The following ZC3H7B variants were observed in gnomAD, a reference collection of about 807,000 sequenced individuals.
ZC3H7B encodes the protein zinc finger CCCH domain-containing protein 7B.
Under a neutral mutation model 116.0 loss-of-function variants are expected in ZC3H7B, and 35 were observed. The observed-to-expected ratio is 0.30, with a 90% CI of 0.23 to 0.40. The LOEUF (loss-of-function observed/expected upper bound fraction) is 0.40, where lower values mean the gene tolerates loss of function less well. Among genes scored for constraint, ZC3H7B ranks in the 10% least tolerant of loss-of-function variants. The probability of loss-of-function intolerance (pLI) is 1.00; values close to 1 mark genes in which losing one functional copy is unlikely to be tolerated. For synonymous variants in ZC3H7B, 502 were observed against 545.6 expected, an observed-to-expected ratio of 0.92 and a Z score of 1.11; for missense variants, 1,011 against 1,321.5, an observed-to-expected ratio of 0.77 and a Z score of 3.64.
chr22:41,341,094 C>T lies in ZC3H7B; in HGVS notation c.1145C>T (p.Thr382Ile). 1 of 1,613,856 alleles carries T rather than the reference C, an allele frequency of 6.2e-7. No individual in the cohort carries two copies. Among genetic ancestry groups the T allele is most frequent in the Non-Finnish European group, 8.5e-7 (1 of 1,179,836 alleles). The change falls in exon 11 of 23, where the codon ACC (threonine) becomes ATC (isoleucine). Residue 382 changes from threonine to isoleucine, a missense_variant. Coordinates refer to ENST00000352645, the MANE Select transcript of ZC3H7B (RefSeq NM_017590.6). The part of the protein sequence containing the change: ...LDKPDSFMEE[T>I]NSQDHRPPSG... ...GTGTCTTCTCCCTGCCCAGAGGAGA[C>T]CAACTCACAGGACCACCGTCCCCCT...
In ZC3H7B at chr22:41,346,009, T is replaced by G. The variant is rs1398056114; in HGVS notation, c.1466T>G (p.Ile489Ser). 6.2e-7 allele frequency: 1 copy of G among 1,614,060 alleles called. No homozygotes were observed. The highest frequency in any genetic ancestry group is 2.2e-5 in the East Asian group (1 of 44,880). The change falls in exon 14 of 23, where the codon ATT becomes AGT. Residue 489 changes from isoleucine (I) to serine (S), a missense_variant. This residue lies in a region of ZC3H7B where 179 missense variants were observed against 178.5 expected (regional missense o/e 1.00). Transcript: ENST00000352645. This position sits in a 1 kb window ranked among gnomAD's most constrained non-coding sequence, Gnocchi z 5.3. ...TCCTGTTGCCTCTTTGCAGACATGA[T>G]TAACAAGCAGGACTGTAAGTACGGG... ...VGSYYLCKDM[I>S]NKQDCKYGDN... is the part of the protein sequence containing the mutation.
chr22:41,347,152 C>T (rs554682173), intron 14 of ZC3H7B, among the ~76,000 whole-genome samples: 23 of 152,274 alleles, frequency 1.5e-4, no homozygotes, highest in African/African-American at 5.3e-4. Flanking sequence ...TGCCCACCTC[C>T]CAGCACCAGC....
In ZC3H7B at chr22:41,327,381, A is replaced by C. The variant is rs1353676269; in HGVS notation, c.444+17A>C. 1 of 1,606,252 alleles carries C rather than the reference A, an allele frequency of 6.2e-7. No homozygotes were observed. On this transcript the variant is annotated intron_variant, in intron 5 of 22. Transcript: ENST00000352645. The surrounding 1 kb of genome is among the most constrained non-coding windows in gnomAD (Gnocchi z 4.5). ...CTGCCCCACGTGAGTGTGGCTCTGC[A>C]GCCACGCCGGTGCCTGCTCAGAGGC...
chr22:41,345,937 G>A (rs545119278), intron 13 of ZC3H7B, 66 bp from the exon 14 acceptor site: 3 of 1,540,764 alleles, frequency 1.9e-6, no homozygotes, highest in South Asian at 2.2e-5. Flanking sequence ...CCGCAGCGGG[G>A]TGGCGAGGGT....
At chr22:41,325,644 G>A in intron 3 of ZC3H7B, 47 bp downstream of exon 3, 1 of 1,609,566 alleles carries the variant, frequency 6.2e-7, no homozygotes, top group Non-Finnish European at 8.5e-7. Context: ...GCGGAGATGT[G>A]CAGGGGAGAG....
Position 41,338,465 on chromosome 22 carries a change from T to C in ZC3H7B, c.625+110T>C. 1 of 1,174,366 alleles carries C rather than the reference T, an allele frequency of 8.5e-7. No individual in the cohort carries two copies. Among genetic ancestry groups the C allele is most frequent in the East Asian group, 2.5e-5 (1 of 39,590 alleles). The allele number at this position is 1,174,366 out of a possible 1,614,324, so 72.7% of individuals were successfully genotyped here. A position where few individuals can be genotyped will look rare whatever the true frequency, so the allele number is the denominator to read the frequency against. On this transcript the variant is annotated intron_variant, in intron 8 of 22. Transcript: ENST00000352645. The surrounding 1 kb of genome is among the most constrained non-coding windows in gnomAD (Gnocchi z 4.5). ...GTAGATGGGAGGGCCTCCGAGGGGT[T>C]CCCCACCCTGGTACTCCCTGAGGCA...
In ZC3H7B at chr22:41,302,542, G is replaced by T. The variant is rs2035982158; in HGVS notation, c.-7+770G>T. On this transcript the variant is annotated intron_variant, in intron 1 of 22. Coordinates refer to ENST00000352645, the MANE Select transcript of ZC3H7B (RefSeq NM_017590.6). The surrounding 1 kb of genome is among the most constrained non-coding windows in gnomAD (Gnocchi z 5.7). ...CTGGGGACGGGGGCGCCCTGACGGG[G>T]CTGGGGGCCTGGGAGCCGCCGACTC... 6.6e-6 allele frequency among the ~76,000 whole-genome samples: 1 copy of T among 152,244 alleles called. No homozygotes were observed. The highest frequency in any genetic ancestry group is 6.5e-5 in the Admixed American group (1 of 15,302).
Position 41,359,232 on chromosome 22 carries a change from C to T in ZC3H7B, c.*1803C>T, listed in dbSNP as rs894011321. ...TTCCCTGATCCGTGGTGTTGCAGTC[C>T]GTTGTCACCAGCCTTGTTTCTAGTG... On this transcript the variant is annotated 3_prime_UTR_variant, in exon 23 of 23. Coordinates refer to ENST00000352645, the MANE Select transcript of ZC3H7B (RefSeq NM_017590.6). 6.5e-6 allele frequency: 1 copy of T among 152,750 alleles called. No individual in the cohort carries two copies. Among genetic ancestry groups the T allele is most frequent in the East Asian group, 1.9e-4 (1 of 5,196 alleles). 9.5% of individuals were successfully genotyped at this position (152,750 alleles called of 1,614,324 possible). A position where few individuals can be genotyped will look rare whatever the true frequency, so the allele number is the denominator to read the frequency against.
chr22:41,319,828 A>C (rs2036231798), intron 1 of ZC3H7B, among the ~76,000 whole-genome samples: 1 of 152,076 alleles, frequency 6.6e-6, no homozygotes, highest in African/African-American at 2.4e-5. Flanking sequence ...CAGGAGTTTG[A>C]AACCAGCCTG....
rs1337271103 is a variant in ZC3H7B at position 41,331,260 on chromosome 22, TAAATA to T, written c.526-907_526-903del. On this transcript the variant is annotated intron_variant, in intron 6 of 22. Coordinates refer to ENST00000352645, the MANE Select transcript of ZC3H7B (RefSeq NM_017590.6). ...GAAACTCTGTCTCAAAAAAAATAAA[TAAATA>T]AAAGGCCGGGCGCGGTGGCTCATGC... 2.7e-5 allele frequency among the ~76,000 whole-genome samples: 3 copies of T among 111,246 alleles called. No homozygotes were observed. The East Asian group carries it at 8.8e-4, about 33-fold the overall frequency. The allele number at this position is 111,246 out of a possible 152,430, so 73.0% of individuals were successfully genotyped here. A position where few individuals can be genotyped will look rare whatever the true frequency, so the allele number is the denominator to read the frequency against.
intron 1 of ZC3H7B, among the ~76,000 whole-genome samples, chr22:41,304,991 C>G (rs2036020603): frequency 6.6e-6 from 1 of 152,142 alleles, no homozygotes; most frequent in Non-Finnish European, 1.5e-5. Flanking sequence ...GCGAGCTGAT[C>G]ACTTGAGGTC....
At chr22:41,340,902 G>A in intron 10 of ZC3H7B, among the ~76,000 whole-genome samples, 186 bp from the exon 11 acceptor site, 1 of 152,290 alleles carries the variant, frequency 6.6e-6, no homozygotes, top group East Asian at 1.9e-4. Context: ...ACACACTCAG[G>A]CTGGGAGGCG....
intron 17 of ZC3H7B, among the ~76,000 whole-genome samples, chr22:41,354,396 C>T (rs184455586): frequency 2.6e-5 from 4 of 152,202 alleles, no homozygotes; most frequent in African/African-American, 9.6e-5. Flanking sequence ...GAGCAGCCCA[C>T]GAGTTGTCCA....
chr22:41,308,869 C>T (rs1402174033), intron 1 of ZC3H7B, among the ~76,000 whole-genome samples: 1 of 152,118 alleles, frequency 6.6e-6, no homozygotes, highest in Non-Finnish European at 1.5e-5. Flanking sequence ...AGCTTGTTCC[C>T]ACCTCAGGGC....
intron 1 of ZC3H7B, among the ~76,000 whole-genome samples, chr22:41,304,787 T>C (rs1212460142): frequency 2.0e-5 from 3 of 152,184 alleles, no homozygotes; most frequent in African/African-American, 7.2e-5. Context: ...GGGTGGGCAT[T>C]ATAATCTCCA....
chr22:41,338,923 G>C lies in ZC3H7B; in HGVS notation c.626-78G>C. The stretch of plus-strand genomic sequence containing the variant: ...AAGAAGAAGGGAAAGTGTTGGATGA[G>C]CATCACGGGGCCCGGGACGCCTCCT... On this transcript the variant is annotated intron_variant, in intron 8 of 22. Transcript: ENST00000352645. The surrounding 1 kb of genome is among the most constrained non-coding windows in gnomAD (Gnocchi z 4.5). The C allele has an allele frequency of 7.2e-7, 1 of 1,386,330 alleles. No homozygotes were observed. Among genetic ancestry groups the C allele is most frequent in the East Asian group, 2.5e-5 (1 of 40,766 alleles). 85.9% of individuals were successfully genotyped at this position (1,386,330 alleles called of 1,614,324 possible).
In ZC3H7B at chr22:41,351,451, T is replaced by C; in HGVS notation, c.1949-110T>C. ...TGTCTTACTGTGGCTGGGCTGAGAA[T>C]AGGGCTCCTCCAGCTGGGCCTCGGG... On this transcript the variant is annotated intron_variant, in intron 16 of 22. Transcript: ENST00000352645. This position sits in a 1 kb window ranked among gnomAD's most constrained non-coding sequence, Gnocchi z 5.1. 1 of 898,364 alleles carries C rather than the reference T, an allele frequency of 1.1e-6. No individual in the cohort carries two copies. Among genetic ancestry groups the C allele is most frequent in the Non-Finnish European group, 1.7e-6 (1 of 588,040 alleles). 55.6% of individuals were successfully genotyped at this position (898,364 alleles called of 1,614,324 possible).
chr22:41,307,412 T>TGTGTTGGTGCC (rs1186885157), intron 1 of ZC3H7B, among the ~76,000 whole-genome samples: 2 of 152,154 alleles, frequency 1.3e-5, no homozygotes, highest in Non-Finnish European at 2.9e-5. Flanking sequence ...GCATGTTGGT[T>TGTGTTGGTGCC]GTGTTGGTGC....
In ZC3H7B at chr22:41,356,361, C is replaced by T. The variant is rs778878835; in HGVS notation, c.2402C>T (p.Thr801Ile). Reference sequence around the variant, plus strand: ...TGCCCAGTCCTGGACATGCAGCAGACCTATGACATGTGGCTGAAAAAACAC... The same window carrying T: ...TGCCCAGTCCTGGACATGCAGCAGATCTATGACATGTGGCTGAAAAAACAC... Reference protein sequence around the residue: ...KENKILDMQQTYDMWLKKHNP... With the variant: ...KENKILDMQQIYDMWLKKHNP... The change falls in exon 21 of 23, where the codon ACC becomes ATC. Residue 801 changes from threonine to isoleucine, a missense_variant. Transcript: ENST00000352645. 8 of 1,613,996 alleles carry T rather than the reference C, an allele frequency of 5.0e-6. No homozygotes were observed. Among genetic ancestry groups the T allele is most frequent in the African/African-American group, 4.0e-5 (3 of 74,938 alleles).
Sources: gnomAD v4.1 joint callset for allele counts (sites outside exome capture counted in the v4.1 genomes callset) on GRCh38, gnomAD v4.1.1 for gene constraint, gnomAD v4.1.1 regional missense constraint, Gnocchi (gnomAD v3.1) non-coding constraint, MANE v1.5 for transcripts, NCBI Gene and HGNC (gene_info 2026-07-23, HGNC 2026-07-21) for gene names.